The following ROR2 variants were observed in gnomAD, a reference collection of about 807,000 sequenced individuals.
ROR2 encodes the protein ROR family WNT receptor 2.
ROR2 carries 33 observed loss-of-function variants against 74.9 expected under a neutral mutation model. The ratio of observed to expected loss-of-function variants is 0.44; its 90% CI spans 0.33 to 0.59. ROR2 has a LOEUF of 0.59. ROR2 is among the 20% of genes least tolerant of loss of function. ROR2 has a pLI of 0.02. For missense variants in ROR2, 1,216 were observed against 1,313.8 expected, an observed-to-expected ratio of 0.93 and a Z score of 1.15; for synonymous variants, 586 against 558.7, an observed-to-expected ratio of 1.05 and a Z score of -0.69.
At chr9:91,936,522 AC>A (rs1831693768) in intron 1 of ROR2, among the ~76,000 whole-genome samples, 1 of 152,040 alleles carries the variant, frequency 6.6e-6, no homozygotes. Flanking sequence ...CTCTGTAAAG[AC>A]TCTTTCTCCA....
At chr9:91,730,661 C>T (rs1345033822) in intron 7 of ROR2, among the ~76,000 whole-genome samples, 1 of 152,094 alleles carries the variant, frequency 6.6e-6, no homozygotes, top group Non-Finnish European at 1.5e-5. Flanking sequence ...ACCATGTTGA[C>T]CAGGCTGGTC....
rs748319430 is a variant in ROR2 at position 91,757,417 on chromosome 9, C to T, written c.318G>A (p.Pro106=). The change falls in exon 3 of 9, where the codon CCG becomes CCA. Residue 106 remains proline, a synonymous_variant. Transcript: ENST00000375708. The part of the protein sequence containing the change: ...LKNDAPVVQE[P]RRIIIRKTEY... The stretch of plus-strand genomic sequence containing the variant: ...CTGTCTTCCGGATGATGATCCGCCG[C>T]GGCTCCTGCACCACCGGGGCATCAT... The T allele has an allele frequency of 3.1e-6, 5 of 1,613,830 alleles. No individual in the cohort carries two copies. The highest frequency in any genetic ancestry group is 3.4e-6 in the Non-Finnish European group (4 of 1,179,976).
intron 1 of ROR2, among the ~76,000 whole-genome samples, chr9:91,931,679 G>A (rs1831552901): frequency 6.6e-6 from 1 of 151,942 alleles, no homozygotes; most frequent in Non-Finnish European, 1.5e-5. Context: ...TACACAAAAT[G>A]CAATAAAACC....
At chr9:91,792,563 C>T (rs961180944) in intron 1 of ROR2, among the ~76,000 whole-genome samples, 2 of 152,166 alleles carry the variant, frequency 1.3e-5, no homozygotes, top group African/African-American at 4.8e-5. Flanking sequence ...CCACCTTGGC[C>T]TCCCAAAGTG....
At chr9:91,766,628 T>A (rs62563408) in intron 2 of ROR2, among the ~76,000 whole-genome samples, 2 of 152,220 alleles carry the variant, frequency 1.3e-5, no homozygotes, top group Non-Finnish European at 2.9e-5. Flanking sequence ...GCCAGTCATT[T>A]AGCCTCTCTT....
intron 1 of ROR2, among the ~76,000 whole-genome samples, chr9:91,812,048 GC>G (rs1167781740): frequency 6.0e-5 from 8 of 134,352 alleles, no homozygotes; most frequent in Middle Eastern, 3.7e-3. Context: ...CAGCTGATGA[GC>G]TTAAAAAAAT....
intron 2 of ROR2, among the ~76,000 whole-genome samples, chr9:91,767,860 AC>A (rs1291915576): frequency 1.3e-5 from 2 of 152,094 alleles, no homozygotes; most frequent in Non-Finnish European, 2.9e-5. Flanking sequence ...TGGTGGGGTG[AC>A]CCGTGTCCCC....
chr9:91,770,446 T>C (rs1205921173), intron 2 of ROR2, among the ~76,000 whole-genome samples: 1 of 152,192 alleles, frequency 6.6e-6, no homozygotes, highest in South Asian at 2.1e-4. Flanking sequence ...TCTGGGCACC[T>C]GGAGCACACC....
intron 4 of ROR2, among the ~76,000 whole-genome samples, chr9:91,740,475 C>T (rs1266412614): frequency 6.6e-6 from 1 of 151,426 alleles, no homozygotes. Flanking sequence ...TGGCGTGAAC[C>T]CAGGAGGCGG....
chr9:91,727,170 C>G (rs1837070142), intron 7 of ROR2, among the ~76,000 whole-genome samples: 1 of 152,202 alleles, frequency 6.6e-6, no homozygotes, highest in South Asian at 2.1e-4. Flanking sequence ...GTGAGTGAAA[C>G]TTGGTACTGG....
chr9:91,886,172 G>C (rs564592027), intron 1 of ROR2, among the ~76,000 whole-genome samples: 3 of 152,180 alleles, frequency 2.0e-5, no homozygotes, highest in Admixed American at 2.0e-4. Flanking sequence ...TACCGCCCCC[G>C]GCCATGGTTA....
At chr9:91,910,401 T>C (rs531513360) in intron 1 of ROR2, among the ~76,000 whole-genome samples, 3 of 152,300 alleles carry the variant, frequency 2.0e-5, no homozygotes, top group East Asian at 3.9e-4. Context: ...ATTTTACATA[T>C]GGGAATCTAT....
At chr9:91,832,287 T>C (rs1190195823) in intron 1 of ROR2, among the ~76,000 whole-genome samples, 1 of 150,590 alleles carries the variant, frequency 6.6e-6, no homozygotes, top group South Asian at 2.1e-4. Flanking sequence ...TATCACAGAT[T>C]ATGTTATGTT....
intron 1 of ROR2, among the ~76,000 whole-genome samples, chr9:91,832,817 A>C (rs933653785): frequency 6.6e-6 from 1 of 152,220 alleles, no homozygotes; most frequent in African/African-American, 2.4e-5. Flanking sequence ...AAATCACCCC[A>C]AAACAATGGA....
chr9:91,807,260 T>G (rs1286273370), intron 1 of ROR2, among the ~76,000 whole-genome samples: 1 of 152,114 alleles, frequency 6.6e-6, no homozygotes, highest in East Asian at 1.9e-4. Context: ...AAGACAGGGT[T>G]TGGAGAGCTT....
chr9:91,808,245 C>T (rs1019706409), intron 1 of ROR2, among the ~76,000 whole-genome samples: 1 of 152,150 alleles, frequency 6.6e-6, no homozygotes. Flanking sequence ...TTTAAAGGAA[C>T]TGAAACCTGA....
chr9:91,746,120 A>G (rs968492106), intron 4 of ROR2, among the ~76,000 whole-genome samples: 1 of 152,098 alleles, frequency 6.6e-6, no homozygotes, highest in Non-Finnish European at 1.5e-5. Context: ...TCTGTTGGCC[A>G]GGCTGGAGTG....
chr9:91,737,351 G>T, intron 5 of ROR2, 40 bp downstream of exon 5: 1 of 1,613,572 alleles, frequency 6.2e-7, no homozygotes, highest in Non-Finnish European at 8.5e-7. Context: ...ATGGCTGTGT[G>T]CATGCTTATC....
intron 1 of ROR2, among the ~76,000 whole-genome samples, chr9:91,835,364 G>A (rs7867707): frequency 0.24 from 36,603 of 152,030 alleles, 4,907 homozygotes; most frequent in Admixed American, 0.42. Context: ...TCACCATGAC[G>A]GTTGCACTGA....
Sources: gnomAD v4.1 joint callset for allele counts (sites outside exome capture counted in the v4.1 genomes callset) on GRCh38, gnomAD v4.1.1 for gene constraint, MANE v1.5 for transcripts, NCBI Gene and HGNC (gene_info 2026-07-23, HGNC 2026-07-21) for gene names.